Variants in HAVCR1 observed in about 807,000 individuals in gnomAD.
HAVCR1 encodes T cell immunoglobin domain and mucin domain protein 1.
A neutral mutation model predicts 32.0 loss-of-function variants in HAVCR1; 34 were observed. The ratio of observed to expected loss-of-function variants is 1.06; its 90% confidence interval spans 0.81 to 1.42. HAVCR1 has a LOEUF of 1.42. Among genes scored for constraint, HAVCR1 ranks in the 40% most tolerant of loss-of-function variants. The pLI is 0.00. For synonymous variants in HAVCR1, 178 were observed against 170.3 expected, an observed-to-expected ratio of 1.05 and a Z score of -0.35; for missense variants, 420 against 442.3, an observed-to-expected ratio of 0.95 and a Z score of 0.45.
At chr5:157,067,862 G>A in the HAVCR1 span, among the ~76,000 whole-genome samples, 3 of 152,010 alleles carry the variant, frequency 2.0e-5, no homozygotes, top group Non-Finnish European at 2.9e-5. Context: ...ATTTTTAGTA[G>A]AGACAGGGTT....
Position 157,049,140 on chromosome 5 carries a change from TG to T in HAVCR1, c.678del (p.Thr227LeufsTer20), listed in dbSNP as rs757308781. On this transcript the variant is annotated frameshift_variant, in exon 5 of 9. Transcript: ENST00000523175. LOFTEE classifies it high-confidence loss of function. ...PLPRQNHEPVATSPSSPQPAE... is the reference protein window; with the variant it reads ...PLPRQNHEPVXTSPSSPQPAE... ...GCTGGCTGAGGTGAAGATGGTGAAG[TG>T]GCTACTGGAATGAAAAGAATGGAAG... 2.8e-5 allele frequency: 44 copies of T among 1,592,414 alleles called. No individual in the cohort carries two copies. The highest frequency in any genetic ancestry group is 3.8e-5 in the Non-Finnish European group (44 of 1,160,304).
At chr5:157,044,674 A>AAAGG (rs1561591656) in intron 5 of HAVCR1, among the ~76,000 whole-genome samples, 7 of 81,478 alleles carry the variant, frequency 8.6e-5, no homozygotes, top group South Asian at 5.9e-4. Flanking sequence ...AGAAAGAAAG[A>AAAGG]AAGGAGGGAG....
At chr5:157,047,841 G>A (rs950775320) in intron 5 of HAVCR1, among the ~76,000 whole-genome samples, 5 of 152,136 alleles carry the variant, frequency 3.3e-5, no homozygotes, top group African/African-American at 9.7e-5. Flanking sequence ...CCAGAGACCC[G>A]AACTTGTGAC....
At chr5:157,052,977 T>C (rs1337894380) in intron 3 of HAVCR1, among the ~76,000 whole-genome samples, 1 of 152,196 alleles carries the variant, frequency 6.6e-6, no homozygotes, top group Non-Finnish European at 1.5e-5. Context: ...TGCAGTGGCA[T>C]GATCAACTCA....
At chr5:157,053,875 A>G (rs1392728180) in intron 3 of HAVCR1, among the ~76,000 whole-genome samples, 3 of 150,228 alleles carry the variant, frequency 2.0e-5, no homozygotes, top group African/African-American at 7.4e-5. Flanking sequence ...GTCTCAAAAA[A>G]ACAAAACAAA....
intron 5 of HAVCR1, among the ~76,000 whole-genome samples, chr5:157,044,146 A>G (rs1755081539): frequency 6.6e-6 from 1 of 152,012 alleles, no homozygotes; most frequent in Non-Finnish European, 1.5e-5. Context: ...AGCCTGGCCA[A>G]TGTGGTGAAA....
the HAVCR1 span, among the ~76,000 whole-genome samples, chr5:157,066,932 C>A: frequency 6.6e-6 from 1 of 151,992 alleles, no homozygotes; most frequent in Non-Finnish European, 1.5e-5. Context: ...ACTAAAAATA[C>A]AAAATTAGCC....
the HAVCR1 span, among the ~76,000 whole-genome samples, chr5:157,066,055 T>TAAAAAAAAAAAAAAAAA: frequency 6.4e-4 from 43 of 66,910 alleles, 2 homozygotes; most frequent in African/African-American, 1.0e-3. Flanking sequence ...GACTCCGTCT[T>TAAAAAAAAAAAAAAAAA]AAAAAAAAAA....
Position 157,052,448 on chromosome 5 carries a change from T to TGCTCGTTGTCGTTGGAAC in HAVCR1, c.568_585dup (p.Val190_Ser195dup), listed in dbSNP as rs780329442. The stretch of plus-strand genomic sequence containing the variant: ...ACTGGAACACTTGTTGTTGTTGGAA[T>TGCTCGTTGTCGTTGGAAC]GCTCGTTGTCGTTGGAACGCTCGTT... On this transcript the variant is annotated inframe_insertion, in exon 4 of 9. Coordinates refer to ENST00000523175, the MANE Select transcript of HAVCR1 (RefSeq NM_001173393.3). 2.3e-5 allele frequency: 37 copies of TGCTCGTTGTCGTTGGAAC among 1,612,632 alleles called. No individual in the cohort carries two copies. In the East Asian group the frequency reaches 6.0e-4, roughly 26 times the overall value.
chr5:157,065,889 T>C, the HAVCR1 span, among the ~76,000 whole-genome samples: 1 of 146,778 alleles, frequency 6.8e-6, no homozygotes, highest in Admixed American at 6.9e-5. Flanking sequence ...AAAAAATTTG[T>C]TAAAGCTGAG....
chr5:157,029,704 C>G lies in HAVCR1; in HGVS notation c.*29G>C, dbSNP rs137884244. Reference sequence around the variant, plus strand: ...CTGTTCAGTCTTCTGCACTCATGGGCGTAAACTCTCAAAGAGCACCACTGG... The same window carrying G: ...CTGTTCAGTCTTCTGCACTCATGGGGGTAAACTCTCAAAGAGCACCACTGG... On this transcript the variant is annotated 3_prime_UTR_variant, in exon 9 of 9. Transcript: ENST00000523175. The G allele has an allele frequency of 6.2e-7, 1 of 1,612,222 alleles. No homozygotes were observed. The highest frequency in any genetic ancestry group is 1.3e-5 in the African/African-American group (1 of 74,830).
intron 6 of HAVCR1, among the ~76,000 whole-genome samples, chr5:157,040,653 C>G (rs1754833283): frequency 6.6e-6 from 1 of 152,166 alleles, no homozygotes; most frequent in East Asian, 1.9e-4. Flanking sequence ...AATCCCAGCA[C>G]TTGTGGGAGG....
chr5:157,051,531 TTC>T (rs1425263568), intron 4 of HAVCR1, among the ~76,000 whole-genome samples: 1 of 152,018 alleles, frequency 6.6e-6, no homozygotes, highest in Non-Finnish European at 1.5e-5. Context: ...CTGTGTAAAT[TTC>T]TTTTTTCTTT....
the HAVCR1 span, among the ~76,000 whole-genome samples, chr5:157,066,477 C>A: frequency 6.8e-6 from 1 of 147,632 alleles, no homozygotes; most frequent in Non-Finnish European, 1.5e-5. Context: ...TGCATTCCAG[C>A]CTGAGTGACA....
upstream of HAVCR1, among the ~76,000 whole-genome samples, chr5:157,061,184 C>T (rs962118999): frequency 1.3e-5 from 2 of 152,040 alleles, no homozygotes; most frequent in African/African-American, 4.8e-5. Flanking sequence ...AGGTGTGAGC[C>T]GCCATGCCTG....
At chr5:157,043,120 C>G (rs951963027) in intron 5 of HAVCR1, among the ~76,000 whole-genome samples, 5 of 144,868 alleles carry the variant, frequency 3.5e-5, no homozygotes, top group Non-Finnish European at 7.7e-5. Context: ...GAATGGACAT[C>G]ATATTGGTTT....
chr5:157,040,933 A>T (rs1024894575), intron 6 of HAVCR1, among the ~76,000 whole-genome samples: 28 of 152,182 alleles, frequency 1.8e-4, no homozygotes, highest in Non-Finnish European at 3.4e-4. Context: ...AATAAAAAAT[A>T]AAAACCTCAG....
intron 6 of HAVCR1, among the ~76,000 whole-genome samples, chr5:157,041,032 G>A (rs1310939739): frequency 6.6e-6 from 1 of 152,060 alleles, no homozygotes; most frequent in Admixed American, 6.5e-5. Flanking sequence ...TTTCTTACAG[G>A]AGCCAAAAGA....
At chr5:157,057,563 C>G (rs922829099) in intron 2 of HAVCR1, among the ~76,000 whole-genome samples, 1 of 152,106 alleles carries the variant, frequency 6.6e-6, no homozygotes, top group Non-Finnish European at 1.5e-5. Context: ...CCCACATTAC[C>G]CACTGTCACT....
Sources: allele counts gnomAD v4.1 joint callset (sites outside exome capture counted in the v4.1 genomes callset), GRCh38; gene constraint gnomAD v4.1.1; transcripts MANE v1.5; gene names NCBI Gene and HGNC (gene_info 2026-07-23, HGNC 2026-07-21).